The following ANO4 variants were observed in gnomAD, a reference collection of about 807,000 sequenced individuals.
The protein encoded by ANO4 is anoctamin-4.
A neutral mutation model predicts 141.9 loss-of-function variants in ANO4; 69 were observed. That is an observed-to-expected ratio of 0.49 (90% confidence interval 0.40 to 0.59). ANO4 has a LOEUF of 0.59. Ranked by LOEUF, ANO4 falls within the 20% of genes least tolerant of loss-of-function variation. The pLI, the probability that ANO4 is intolerant of heterozygous loss-of-function variation, is 0.00. For synonymous variants in ANO4, 350 were observed against 394.3 expected (o/e 0.89, Z 1.33); for missense variants, 894 against 1,162.2 (o/e 0.77, Z 3.36).
In ANO4 at chr12:100,894,773, C is replaced by T. The variant is rs890080678; in HGVS notation, c.-140-6873C>T. Among the ~76,000 whole-genome samples the T allele has an allele frequency of 7.9e-5, 12 of 151,748 alleles. No individual in the cohort carries two copies. In the South Asian group the frequency reaches 8.3e-4, roughly 11 times the overall value. On this transcript the variant is annotated intron_variant, in intron 1 of 27. Coordinates refer to ENST00000392977, the MANE Select transcript of ANO4 (RefSeq NM_001286615.2). The stretch of plus-strand genomic sequence containing the variant: ...CGAGGTCAGGAGATTGAGACCATCC[C>T]GGCTAAAACGGTGAAACCCCGTCTC...
At chr12:101,033,020 A>T (rs202217294) in intron 9 of ANO4, among the ~76,000 whole-genome samples, 5,042 of 152,290 alleles carry the variant, frequency 0.033, 140 homozygotes, top group East Asian at 0.11. Flanking sequence ...ATGCACACGT[A>T]TGTTTATTGC....
intron 1 of ANO4, among the ~76,000 whole-genome samples, chr12:100,867,999 C>T (rs374957986): frequency 1.1e-4 from 16 of 152,242 alleles, no homozygotes; most frequent in East Asian, 7.7e-4. Context: ...TCTCTGGTGC[C>T]GTTGGACCCA....
At chr12:100,819,438 A>G (rs1474902770) in intron 1 of ANO4, among the ~76,000 whole-genome samples, 1 of 152,050 alleles carries the variant, frequency 6.6e-6, no homozygotes, top group East Asian at 1.9e-4. Flanking sequence ...GCTAATAGCA[A>G]CTTTGGGATT....
At chr12:100,760,771 G>A (rs1022972348) in intron 3 of ANO4, among the ~76,000 whole-genome samples, 6 of 152,106 alleles carry the variant, frequency 3.9e-5, no homozygotes, top group Non-Finnish European at 8.8e-5. Context: ...TCTATACATC[G>A]TCATGGGCCA....
chr12:100,904,141 A>C (rs961443151), intron 2 of ANO4, among the ~76,000 whole-genome samples: 3 of 152,162 alleles, frequency 2.0e-5, no homozygotes, highest in African/African-American at 7.2e-5. Context: ...GTAGGACCGA[A>C]CAAAACCTTC....
At position 101,110,483 on chromosome 12, in the gene ANO4, T is replaced by G. The variant is rs768993465; in HGVS notation, c.2229T>G (p.Ile743Met). ...APLLALLNNI[I>M]EIRLDAYKFV... ...TTCTGGCCTTACTGAATAACATAAT[T>G]GAAATTCGACTTGATGCTTACAAAT... Residue 743 changes from isoleucine to methionine, a missense_variant, in exon 23 of 28, where the codon ATT (isoleucine) becomes ATG (methionine). Physicochemically the swap from Ile to Met is conservative, Grantham distance 10. Around this residue, in one of 2 missense-constraint regions of ANO4, gnomAD observed 637 missense variants for 909.2 expected, o/e 0.70. Transcript: ENST00000392977. The G allele has an allele frequency of 1.9e-6, 3 of 1,612,224 alleles. No homozygotes were observed. Among genetic ancestry groups the G allele is most frequent in the Non-Finnish European group, 2.5e-6 (3 of 1,179,134 alleles).
At chr12:101,034,037 T>G (rs1255631996) in intron 9 of ANO4, among the ~76,000 whole-genome samples, 2 of 152,044 alleles carry the variant, frequency 1.3e-5, no homozygotes, top group Non-Finnish European at 2.9e-5. Context: ...TACACTGTTC[T>G]TGGGAGTGTA....
chr12:100,864,737 C>A (rs1376663372), intron 1 of ANO4, among the ~76,000 whole-genome samples: 5 of 152,100 alleles, frequency 3.3e-5, no homozygotes, highest in Non-Finnish European at 5.9e-5. Context: ...GCAGAACGTG[C>A]AGGTTTGTTA....
chr12:100,880,003 G>T (rs1209406625), intron 1 of ANO4, among the ~76,000 whole-genome samples: 1 of 152,132 alleles, frequency 6.6e-6, no homozygotes, highest in African/African-American at 2.4e-5. Flanking sequence ...GTGGACCAGG[G>T]TTTGAGGGTA....
chr12:100,951,530 G>A (rs891330358), intron 5 of ANO4, among the ~76,000 whole-genome samples: 2 of 152,204 alleles, frequency 1.3e-5, no homozygotes, highest in Non-Finnish European at 2.9e-5. Context: ...CATGTTCTTT[G>A]TAGGGACATG....
intron 1 of ANO4, among the ~76,000 whole-genome samples, chr12:100,850,946 A>G (rs2037841302): frequency 6.6e-6 from 1 of 152,158 alleles, no homozygotes; most frequent in Admixed American, 6.5e-5. Flanking sequence ...TATATTATGC[A>G]TATAACATAA....
intron 14 of ANO4, among the ~76,000 whole-genome samples, chr12:101,069,559 A>G (rs943722226): frequency 6.6e-6 from 1 of 152,228 alleles, no homozygotes; most frequent in Non-Finnish European, 1.5e-5. Context: ...AGAAGCAATC[A>G]TCTGGCCCAT....
intron 1 of ANO4, among the ~76,000 whole-genome samples, chr12:100,810,177 TGG>T (rs749673385): frequency 1.4e-5 from 2 of 147,852 alleles, no homozygotes; most frequent in Non-Finnish European, 3.0e-5. Flanking sequence ...GATAGTCCTC[TGG>T]GCAAGGTGAT....
chr12:101,112,530 T>C (rs971111840), intron 24 of ANO4, among the ~76,000 whole-genome samples: 5 of 152,196 alleles, frequency 3.3e-5, no homozygotes, highest in African/African-American at 1.2e-4. Flanking sequence ...TGAGGTGTGT[T>C]TGGGGATCAC....
chr12:100,951,170 T>C (rs1166267544), intron 5 of ANO4, among the ~76,000 whole-genome samples: 2 of 152,100 alleles, frequency 1.3e-5, no homozygotes, highest in African/African-American at 2.4e-5. Context: ...TTATTAATAC[T>C]AAAAAGTCAA....
At position 101,081,027 on chromosome 12, in the gene ANO4, GTGTA is replaced by G. The variant is rs953307219; in HGVS notation, c.1395+1756_1395+1759del. Among the ~76,000 whole-genome samples the G allele has an allele frequency of 9.6e-4, 133 of 138,986 alleles. 1 individual carries two copies. In the East Asian group the frequency reaches 0.027, roughly 28 times the overall value. The allele number at this position is 138,986 out of a possible 152,430, so 91.2% of individuals were successfully genotyped here. A position where few individuals can be genotyped will look rare whatever the true frequency, so the allele number is the denominator to read the frequency against. ...TACATATATATATGTATGTGAGTGT[GTGTA>G]TGTGTGTGTGTGTGTGTATACATAT... On this transcript the variant is annotated intron_variant, in intron 15 of 27. Coordinates refer to ENST00000392977, the MANE Select transcript of ANO4 (RefSeq NM_001286615.2).
intron 26 of ANO4, among the ~76,000 whole-genome samples, chr12:101,122,026 G>A (rs984740789): frequency 2.0e-5 from 3 of 152,044 alleles, no homozygotes; most frequent in Non-Finnish European, 2.9e-5. Context: ...CAAAGTGCTG[G>A]GATTACAGGC....
At chr12:100,857,230 TAC>T (rs2038222214) in intron 1 of ANO4, among the ~76,000 whole-genome samples, 1 of 152,148 alleles carries the variant, frequency 6.6e-6, no homozygotes, top group Non-Finnish European at 1.5e-5. Context: ...CTTGAACATA[TAC>T]AGAATGCATT....
chr12:101,099,714 GAA>G lies in ANO4; in HGVS notation c.2145_2146del (p.Glu715AspfsTer26). The G allele has an allele frequency of 6.4e-7, 1 of 1,562,000 alleles. No individual in the cohort carries two copies. Among genetic ancestry groups the G allele is most frequent in the East Asian group, 2.3e-5 (1 of 43,608 alleles). The part of the protein sequence containing the change: ...NAYGLFDEYL[E>X]MILQFGFTTI... ...CTATGGACTCTTCGATGAATACTTA[GAA>G]ATGAGTATGGAAATATTCTACTTTA... On this transcript the variant is annotated frameshift_variant, in exon 22 of 28. Coordinates refer to ENST00000392977, the MANE Select transcript of ANO4 (RefSeq NM_001286615.2). LOFTEE classifies it high-confidence loss of function.
Sources: gnomAD v4.1 joint callset for allele counts (sites outside exome capture counted in the v4.1 genomes callset) on GRCh38, gnomAD v4.1.1 for gene constraint, gnomAD v4.1.1 regional missense constraint, MANE v1.5 for transcripts, NCBI Gene and HGNC (gene_info 2026-07-23, HGNC 2026-07-21) for gene names.